The following TAFA2 variants were observed in gnomAD, a reference collection of about 807,000 sequenced individuals.
TAFA2 encodes chemokine-like protein TAFA-2.
TAFA2 carries 7 observed loss-of-function variants against 18.8 expected under a neutral mutation model. The observed-to-expected ratio is 0.37, with a 90% CI of 0.21 to 0.70. The LOEUF is 0.70. TAFA2 is among the 30% of genes least tolerant of loss of function. TAFA2 has a pLI of 0.53. For missense variants in TAFA2, 122 were observed against 158.1 expected (o/e 0.77, Z 1.23); for synonymous variants, 60 against 54.2 (o/e 1.11, Z -0.47).
intron 1 of TAFA2, among the ~76,000 whole-genome samples, chr12:61,927,615 C>T (rs1221314869): frequency 6.6e-6 from 1 of 152,080 alleles, no homozygotes; most frequent in Admixed American, 6.5e-5. Flanking sequence ...CAATGCTATC[C>T]CCATCAAGCT....
At chr12:62,146,284 CTTTTT>C (rs11415151) in intron 1 of TAFA2, among the ~76,000 whole-genome samples, 25 of 117,700 alleles carry the variant, frequency 2.1e-4, no homozygotes, top group African/African-American at 6.7e-4. Flanking sequence ...CCCTTTGCTG[CTTTTT>C]TTTTTTTTTT....
At chr12:61,748,675 C>T (rs78154397) in intron 4 of TAFA2, among the ~76,000 whole-genome samples, 9,534 of 152,050 alleles carry the variant, frequency 0.063, 1,002 homozygotes, top group African/African-American at 0.22. Flanking sequence ...CTTTAATCAG[C>T]AAAGCATCAC....
At chr12:62,180,488 C>A (rs886758878) in intron 1 of TAFA2, among the ~76,000 whole-genome samples, 3 of 152,116 alleles carry the variant, frequency 2.0e-5, no homozygotes, top group African/African-American at 4.8e-5. Context: ...CAGTTATAAT[C>A]TTTTAAAATA....
At chr12:61,854,727 C>T (rs61942614) in intron 2 of TAFA2, among the ~76,000 whole-genome samples, 43,929 of 151,850 alleles carry the variant, frequency 0.29, 6,953 homozygotes, top group South Asian at 0.4. Flanking sequence ...CATAGAATTC[C>T]ATACCCAGCC....
intron 2 of TAFA2, among the ~76,000 whole-genome samples, chr12:61,844,836 T>C (rs1873336251): frequency 1.3e-5 from 2 of 152,160 alleles, no homozygotes. Flanking sequence ...TATGTTGTTG[T>C]CTGCCTTGAA....
chr12:61,817,999 G>A (rs1872156244), intron 2 of TAFA2, among the ~76,000 whole-genome samples: 1 of 152,082 alleles, frequency 6.6e-6, no homozygotes, highest in African/African-American at 2.4e-5. Context: ...ACTAGCCAAA[G>A]CAGACTCTCC....
chr12:62,104,744 C>T (rs1172541411), intron 1 of TAFA2: 2 of 454,922 alleles, frequency 4.4e-6, no homozygotes, highest in Non-Finnish European at 8.8e-6. Context: ...CTAAATTTAC[C>T]TGGTAATCGG....
intron 1 of TAFA2, among the ~76,000 whole-genome samples, chr12:62,160,980 T>C (rs1364257938): frequency 6.6e-6 from 1 of 152,198 alleles, no homozygotes. Flanking sequence ...ATACAGATTA[T>C]TGTAAAATAA....
At chr12:62,231,895 T>G (rs893763115) in intron 1 of TAFA2, among the ~76,000 whole-genome samples, 1 of 152,200 alleles carries the variant, frequency 6.6e-6, no homozygotes, top group Non-Finnish European at 1.5e-5. Flanking sequence ...CTTTTAATTT[T>G]ATTTTTTACA....
At chr12:62,246,159 T>G (rs2062885196) in intron 1 of TAFA2, among the ~76,000 whole-genome samples, 2 of 152,168 alleles carry the variant, frequency 1.3e-5, no homozygotes, top group Admixed American at 6.5e-5. Context: ...GCTAATTTTT[T>G]GTATTTTTAG....
chr12:62,065,440 A>G (rs1199081656), intron 1 of TAFA2, among the ~76,000 whole-genome samples: 1 of 152,032 alleles, frequency 6.6e-6, no homozygotes, highest in East Asian at 1.9e-4. Context: ...CTTGGCTCTC[A>G]TTTTCCTGCC....
intron 1 of TAFA2, among the ~76,000 whole-genome samples, chr12:62,079,441 T>C (rs1178168042): frequency 6.7e-6 from 1 of 150,316 alleles, no homozygotes; most frequent in African/African-American, 2.5e-5. Flanking sequence ...TTGCCTGAGG[T>C]CAGGAGTTTG....
chr12:62,134,488 C>T (rs1245441), intron 1 of TAFA2, among the ~76,000 whole-genome samples: 99,040 of 151,788 alleles, frequency 0.65, 32,450 homozygotes, highest in Middle Eastern at 0.72. Flanking sequence ...AATCCACCAG[C>T]ACTTTGAACT....
At chr12:62,017,129 C>T (rs1012448505) in intron 1 of TAFA2, among the ~76,000 whole-genome samples, 1 of 152,122 alleles carries the variant, frequency 6.6e-6, no homozygotes, top group Admixed American at 6.5e-5. Flanking sequence ...CATACATAAA[C>T]TCAAGTTATT....
intron 1 of TAFA2, among the ~76,000 whole-genome samples, chr12:61,875,983 T>C (rs1452057708): frequency 6.6e-6 from 1 of 152,176 alleles, no homozygotes; most frequent in Non-Finnish European, 1.5e-5. Flanking sequence ...CTTTTATAGA[T>C]GGCTAAATCA....
intron 1 of TAFA2, among the ~76,000 whole-genome samples, chr12:62,231,908 GACA>G (rs2062813339): frequency 6.6e-6 from 1 of 152,034 alleles, no homozygotes; most frequent in Admixed American, 6.6e-5. Context: ...TTTTTACAGA[GACA>G]AGGTCTTGCT....
intron 1 of TAFA2, among the ~76,000 whole-genome samples, chr12:62,010,367 G>A (rs1732361): frequency 0.22 from 33,787 of 151,976 alleles, 3,857 homozygotes; most frequent in East Asian, 0.28. Flanking sequence ...CCTGTTGACC[G>A]GGCTGGTCTC....
chr12:61,979,389 A>C (rs182028686), intron 1 of TAFA2, among the ~76,000 whole-genome samples: 1 of 152,164 alleles, frequency 6.6e-6, no homozygotes, highest in Non-Finnish European at 1.5e-5. Context: ...ACAGAAGCAC[A>C]TCTCAAAGGC....
At chr12:61,874,679 T>C (rs1874766462) in intron 1 of TAFA2, among the ~76,000 whole-genome samples, 1 of 152,142 alleles carries the variant, frequency 6.6e-6, no homozygotes. Context: ...ATCATTTAAA[T>C]GATTTCTCCA....
Sources: allele counts gnomAD v4.1 joint callset (sites outside exome capture counted in the v4.1 genomes callset), GRCh38; gene constraint gnomAD v4.1.1; transcripts MANE v1.5; gene names NCBI Gene and HGNC (gene_info 2026-07-23, HGNC 2026-07-21).